The following CYP2C8 variants were observed in gnomAD, a reference collection of about 807,000 sequenced individuals.
CYP2C8 encodes cytochrome P450 2C8.
In CYP2C8, 51 loss-of-function variants were observed where a neutral mutation model predicts 41.3. That is an observed-to-expected ratio of 1.24 (90% confidence interval 0.99 to 1.56). The LOEUF is 1.56. Ranked by LOEUF, CYP2C8 falls within the 40% of genes most tolerant of loss-of-function variation. CYP2C8 has a pLI of 0.00. For missense variants in CYP2C8, 651 were observed against 579.9 expected (o/e 1.12, Z -1.26); for synonymous variants, 218 against 205.8 (o/e 1.06, Z -0.51).
chr10:95,048,430 C>T (rs1048945670), intron 5 of CYP2C8, among the ~76,000 whole-genome samples: 2 of 152,122 alleles, frequency 1.3e-5, no homozygotes, highest in African/African-American at 4.8e-5. Context: ...GCAAGCACCA[C>T]CTCTGATCGA....
intron 7 of CYP2C8, among the ~76,000 whole-genome samples, chr10:95,040,452 T>C (rs2032971429): frequency 2.6e-5 from 4 of 152,216 alleles, no homozygotes; most frequent in Admixed American, 2.6e-4. Flanking sequence ...TTCATGAAGA[T>C]ATAACCTTTA....
At chr10:95,068,771 A>T in intron 1 of CYP2C8, 1 of 525,202 alleles carries the variant, frequency 1.9e-6, no homozygotes, top group Non-Finnish European at 3.3e-6. Context: ...ACTTAGAAAG[A>T]CAAAAGAGGC....
intron 4 of CYP2C8, among the ~76,000 whole-genome samples, chr10:95,063,260 T>G (rs1345287875): frequency 6.6e-6 from 1 of 152,230 alleles, no homozygotes; most frequent in Admixed American, 6.5e-5. Flanking sequence ...ATTCTCCCCG[T>G]CACTTTCAGA....
At chr10:95,044,750 A>T (rs973337929) in intron 6 of CYP2C8, among the ~76,000 whole-genome samples, 4 of 152,256 alleles carry the variant, frequency 2.6e-5, no homozygotes, top group Middle Eastern at 3.4e-3. Flanking sequence ...ACCTGATAAA[A>T]GGAGTTATGG....
chr10:95,061,852 T>C (rs996751038), intron 4 of CYP2C8, among the ~76,000 whole-genome samples: 2 of 152,220 alleles, frequency 1.3e-5, no homozygotes, highest in South Asian at 2.1e-4. Context: ...TTTGTTCTCA[T>C]TGGTTTCAAA....
At chr10:95,046,039 A>G in intron 5 of CYP2C8, 88 bp from the exon 6 acceptor site, 1 of 1,489,996 alleles carries the variant, frequency 6.7e-7, no homozygotes, top group Non-Finnish European at 9.2e-7. Flanking sequence ...TATTTTTTAA[A>G]GTTAGCCAAA....
intron 5 of CYP2C8, among the ~76,000 whole-genome samples, chr10:95,053,348 G>A (rs1292289136): frequency 6.6e-6 from 1 of 152,126 alleles, no homozygotes; most frequent in African/African-American, 2.4e-5. Flanking sequence ...CATTGTGGAA[G>A]ACAGTGTGGC....
At chr10:95,054,722 AG>A (rs2033279435) in intron 5 of CYP2C8, among the ~76,000 whole-genome samples, 1 of 152,168 alleles carries the variant, frequency 6.6e-6, no homozygotes, top group Admixed American at 6.5e-5. Flanking sequence ...TTAGGATGTA[AG>A]ATTGGTCCAG....
chr10:95,054,209 C>T (rs2033266804), intron 5 of CYP2C8, among the ~76,000 whole-genome samples: 1 of 151,538 alleles, frequency 6.6e-6, no homozygotes, highest in Non-Finnish European at 1.5e-5. Context: ...GATTATGTGC[C>T]ATAACTAAAT....
At chr10:95,056,992 G>T (rs557180754) in intron 5 of CYP2C8, among the ~76,000 whole-genome samples, 123 of 152,300 alleles carry the variant, frequency 8.1e-4, no homozygotes, top group Non-Finnish European at 1.4e-3. Context: ...GATATAGGCA[G>T]AGAGTAGAAG....
intron 4 of CYP2C8, among the ~76,000 whole-genome samples, chr10:95,062,258 TTGTTGTG>T (rs557137279): frequency 3.9e-4 from 60 of 152,330 alleles, no homozygotes; most frequent in Non-Finnish European, 7.9e-4. Flanking sequence ...TCTCCCATTA[TTGTTGTG>T]TGGGAGTCTA....
chr10:95,069,480 T>C lies in CYP2C8; in HGVS notation c.-78A>G. The C allele has an allele frequency of 8.6e-7, 1 of 1,166,016 alleles. No individual in the cohort carries two copies. The allele number at this position is 1,166,016 out of a possible 1,614,324, so 72.2% of individuals were successfully genotyped here. A position where few individuals can be genotyped will look rare whatever the true frequency, so the allele number is the denominator to read the frequency against. On this transcript the variant is annotated 5_prime_UTR_variant, in exon 1 of 9. Coordinates refer to ENST00000371270, the MANE Select transcript of CYP2C8 (RefSeq NM_000770.3). ...TATAACACTCCCTGCTAATTTAGTG[T>C]GTGTCTCTTTGACATGTAAAGTAAA...
intron 6 of CYP2C8, among the ~76,000 whole-genome samples, chr10:95,044,861 A>T (rs1327547826): frequency 1.3e-5 from 2 of 152,212 alleles, no homozygotes; most frequent in Non-Finnish European, 2.9e-5. Flanking sequence ...TCACAGTGAC[A>T]CAGATTAGCT....
At chr10:95,061,307 C>T (rs1243138842) in intron 4 of CYP2C8, among the ~76,000 whole-genome samples, 1 of 152,128 alleles carries the variant, frequency 6.6e-6, no homozygotes, top group Non-Finnish European at 1.5e-5. Context: ...TAATTATTGC[C>T]TCAATTTCAG....
At chr10:95,057,018 T>G (rs2096276839) in intron 5 of CYP2C8, among the ~76,000 whole-genome samples, 1 of 152,178 alleles carries the variant, frequency 6.6e-6, no homozygotes, top group Non-Finnish European at 1.5e-5. Flanking sequence ...GGCAGTTTTG[T>G]GGTCATTTTT....
Position 95,037,216 on chromosome 10 carries a change from TCAA to T in CYP2C8, c.1382_1384del (p.Val461del), listed in dbSNP as rs3832694. 34 of 1,613,898 alleles carry T rather than the reference TCAA, an allele frequency of 2.1e-5. No individual in the cohort carries two copies. The East Asian group carries it at 7.6e-4, about 36-fold the overall frequency. On this transcript the variant is annotated inframe_deletion, in exon 9 of 9. Coordinates refer to ENST00000371270, the MANE Select transcript of CYP2C8 (RefSeq NM_000770.3). ...AGTAGTATTGAGGTTCTTTAAATCA[TCAA>T]CAGATTTCAGGTTAAAGTTCTGTAA...
chr10:95,038,803 C>T, intron 8 of CYP2C8, 94 bp downstream of exon 8: 1 of 1,196,994 alleles, frequency 8.4e-7, no homozygotes, highest in East Asian at 2.4e-5. Flanking sequence ...AATAGCAATT[C>T]TACCAGCCCC....
At chr10:95,044,343 G>C (rs1178066938) in intron 6 of CYP2C8, among the ~76,000 whole-genome samples, 1 of 152,160 alleles carries the variant, frequency 6.6e-6, no homozygotes, top group Non-Finnish European at 1.5e-5. Flanking sequence ...TTTTATATAT[G>C]ACCTGATATA....
At chr10:95,069,112 G>C in intron 1 of CYP2C8, 123 bp downstream of exon 1, 1 of 1,095,988 alleles carries the variant, frequency 9.1e-7, no homozygotes. Context: ...AAGTTCAGAG[G>C]GAGTATTTTG....
Sources: allele counts gnomAD v4.1 joint callset (sites outside exome capture counted in the v4.1 genomes callset), GRCh38; gene constraint gnomAD v4.1.1; transcripts MANE v1.5; gene names NCBI Gene and HGNC (gene_info 2026-07-23, HGNC 2026-07-21).